LRRFIP1: variants seen among roughly 807,000 people sequenced by gnomAD.
LRRFIP1 encodes the protein LRR binding FLII interacting protein 1.
Under a neutral mutation model 104.4 loss-of-function variants are expected in LRRFIP1, and 62 were observed. That is an observed-to-expected ratio of 0.59 (90% CI 0.48 to 0.73). The LOEUF (loss-of-function observed/expected upper bound fraction) is 0.73, where lower values mean the gene tolerates loss of function less well. Among genes scored for constraint, LRRFIP1 ranks in the 30% least tolerant of loss-of-function variants. The probability of loss-of-function intolerance (pLI) is 0.00; values close to 1 mark genes in which losing one functional copy is unlikely to be tolerated. For missense variants in LRRFIP1, 796 were observed against 824.5 expected (o/e 0.97, Z 0.42); for synonymous variants, 300 against 299.0 (o/e 1.00, Z -0.03).
rs1261605000 is a variant in LRRFIP1 at position 237,753,457 on chromosome 2, G to T, written c.1016G>T (p.Arg339Leu). The T allele has an allele frequency of 6.3e-6, 10 of 1,591,206 alleles. No homozygotes were observed. The highest frequency in any genetic ancestry group is 8.5e-6 in the Non-Finnish European group (10 of 1,174,680). ...ELEEQLAESR[R>L]QYEEKNKEFE... ...GAAGAACAGCTGGCTGAATCTAGGC[G>T]GCAGTACGAAGAGAAAAACAAAGTA... The change falls in exon 15 of 24, where the codon CGG becomes CTG. Residue 339 changes from arginine to leucine, a missense_variant. By Grantham distance (102) the Arg-to-Leu change is moderately radical. Coordinates refer to ENST00000308482, the MANE Select transcript of LRRFIP1 (RefSeq NM_001137550.2).
chr2:237,633,515 G>A (rs2082681592), intron 1 of LRRFIP1, among the ~76,000 whole-genome samples: 1 of 152,158 alleles, frequency 6.6e-6, no homozygotes, highest in Non-Finnish European at 1.5e-5. Context: ...GGGTTGGGAT[G>A]TGTGTGTGGA....
At position 237,758,223 on chromosome 2, in the gene LRRFIP1, A is replaced by AGTGTGTGTGT. The variant is rs138141222; in HGVS notation, c.1225-493_1225-484dup. Among the ~76,000 whole-genome samples the AGTGTGTGTGT allele has an allele frequency of 7.6e-3, 1,135 of 149,718 alleles. 16 individuals carry two copies. The highest frequency in any genetic ancestry group is 0.022 in the African/African-American group (899 of 40,910). On this transcript the variant is annotated intron_variant, in intron 17 of 23. Transcript: ENST00000308482. ...ACTGTCACGCTCATCAGCACTTAGG[A>AGTGTGTGTGT]GTGTGTGTGTGTGTGTGTGTGTCTG...
intron 1 of LRRFIP1, chr2:237,692,417 A>G (rs1293251083): frequency 2.0e-6 from 3 of 1,482,896 alleles, no homozygotes; most frequent in South Asian, 1.3e-5. Context: ...GCGGTCCCCG[A>G]GCATTTCCCG....
chr2:237,650,824 G>A (rs1476567952), intron 1 of LRRFIP1, among the ~76,000 whole-genome samples: 2 of 152,340 alleles, frequency 1.3e-5, no homozygotes, highest in East Asian at 3.9e-4. Flanking sequence ...GATGGTCCCG[G>A]GGTTTTCCCC....
intron 1 of LRRFIP1, among the ~76,000 whole-genome samples, chr2:237,690,006 G>A (rs971333079): frequency 1.3e-5 from 2 of 152,204 alleles, no homozygotes; most frequent in Non-Finnish European, 2.9e-5. Flanking sequence ...ATCCCTTAGT[G>A]AGTGGCAGGG....
intron 1 of LRRFIP1, among the ~76,000 whole-genome samples, chr2:237,697,319 G>A (rs1048578910): frequency 6.6e-5 from 10 of 152,194 alleles, no homozygotes; most frequent in East Asian, 1.9e-4. Flanking sequence ...CACCACACCC[G>A]GCCCAATGAG....
intron 19 of LRRFIP1, chr2:237,763,080 G>A (rs1255905791): frequency 1.9e-6 from 3 of 1,614,192 alleles, no homozygotes; most frequent in East Asian, 2.2e-5. Context: ...GATGACAAAT[G>A]TATGGTAGAG....
At chr2:237,689,073 G>A (rs2092601097) in intron 1 of LRRFIP1, among the ~76,000 whole-genome samples, 1 of 151,878 alleles carries the variant, frequency 6.6e-6, no homozygotes, top group Non-Finnish European at 1.5e-5. Flanking sequence ...AAAGACTGGG[G>A]GTGGGAGAGG....
At chr2:237,757,672 A>C (rs1208802969) in intron 17 of LRRFIP1, 124 bp downstream of exon 17, 2 of 687,644 alleles carry the variant, frequency 2.9e-6, no homozygotes, top group Non-Finnish European at 2.6e-6. Context: ...CACGTGACAC[A>C]AAGTCGTATT....
chr2:237,694,861 G>A (rs545384754), intron 1 of LRRFIP1, among the ~76,000 whole-genome samples: 4 of 152,310 alleles, frequency 2.6e-5, no homozygotes, highest in South Asian at 2.1e-4. Flanking sequence ...GTGTCACCCC[G>A]CTCTCTTTCC....
intron 21 of LRRFIP1, 174 bp downstream of exon 21, chr2:237,772,372 C>T: frequency 7.0e-6 from 4 of 571,008 alleles, no homozygotes; most frequent in Non-Finnish European, 1.2e-5. Context: ...AATGGTGTTT[C>T]TCTCTGAGCC....
intron 1 of LRRFIP1, among the ~76,000 whole-genome samples, chr2:237,637,544 A>G (rs940320375): frequency 2.0e-5 from 3 of 152,214 alleles, no homozygotes; most frequent in Non-Finnish European, 1.5e-5. Context: ...AAGATCTGAG[A>G]TATACTTTCC....
intron 1 of LRRFIP1, among the ~76,000 whole-genome samples, chr2:237,681,865 GA>G (rs1235312529): frequency 2.0e-5 from 3 of 150,776 alleles, no homozygotes; most frequent in Non-Finnish European, 4.4e-5. Flanking sequence ...ATTTTTAGTA[GA>G]GACGGGGTTT....
chr2:237,762,552 A>T (rs1229718148), intron 19 of LRRFIP1: 1 of 1,413,846 alleles, frequency 7.1e-7, no homozygotes, highest in East Asian at 2.4e-5. Context: ...AATGTAGATT[A>T]TGTGGCCGCC....
intron 19 of LRRFIP1, chr2:237,764,136 C>T: frequency 6.2e-7 from 1 of 1,614,078 alleles, no homozygotes; most frequent in Non-Finnish European, 8.5e-7. Context: ...TGTACCATGT[C>T]CTAAGCTGAG....
intron 1 of LRRFIP1, among the ~76,000 whole-genome samples, chr2:237,690,518 T>C (rs11889688): frequency 0.038 from 5,821 of 152,142 alleles, 333 homozygotes; most frequent in African/African-American, 0.13. Flanking sequence ...AGGCAGATCA[T>C]TTGAGGTCAG....
chr2:237,697,102 A>T (rs1340494848), intron 1 of LRRFIP1, among the ~76,000 whole-genome samples: 1 of 152,030 alleles, frequency 6.6e-6, no homozygotes, highest in South Asian at 2.1e-4. Flanking sequence ...GCTCACTGCA[A>T]CCTCCGTTTC....
intron 7 of LRRFIP1, among the ~76,000 whole-genome samples, chr2:237,724,852 A>G (rs2094680742): frequency 6.6e-6 from 1 of 152,158 alleles, no homozygotes; most frequent in African/African-American, 2.4e-5. Flanking sequence ...AATAGAATGC[A>G]TCAGGGATCG....
chr2:237,763,363 C>G, intron 19 of LRRFIP1: 1 of 1,613,368 alleles, frequency 6.2e-7, no homozygotes. Flanking sequence ...TGAAAGAGCC[C>G]GATGAAGAAA....
Sources: gnomAD v4.1 joint callset for allele counts (sites outside exome capture counted in the v4.1 genomes callset) on GRCh38, gnomAD v4.1.1 for gene constraint, MANE v1.5 for transcripts, NCBI Gene and HGNC (gene_info 2026-07-23, HGNC 2026-07-21) for gene names.